Variants in GADL1 observed in about 807,000 individuals in gnomAD.
GADL1 encodes GAD like acidic amino acid decarboxylase 1.
In GADL1, 71 loss-of-function variants were observed where a neutral mutation model predicts 69.5. That is an observed-to-expected ratio of 1.02 (90% CI 0.84 to 1.25). The LOEUF (loss-of-function observed/expected upper bound fraction) is 1.25, where lower values mean the gene tolerates loss of function less well. Ranked by LOEUF, GADL1 falls within the 50% of genes most tolerant of loss-of-function variation. The pLI, the probability that GADL1 is intolerant of heterozygous loss-of-function variation, is 0.00. For synonymous variants in GADL1, 254 were observed against 214.4 expected, an observed-to-expected ratio of 1.18 and a Z score of -1.62; for missense variants, 737 against 631.8, an observed-to-expected ratio of 1.17 and a Z score of -1.79.
chr3:30,839,529 G>GAAAAAAAAAAAAAAA lies in GADL1; in HGVS notation c.787-417_787-416insTTTTTTTTTTTTTTT, dbSNP rs1491390714. Among the ~76,000 whole-genome samples the GAAAAAAAAAAAAAAA allele has an allele frequency of 8.4e-4, 112 of 133,638 alleles. 8 individuals carry two copies. The highest frequency in any genetic ancestry group is 4.0e-3 in the Middle Eastern group (1 of 252). The allele number at this position is 133,638 out of a possible 152,430, so 87.7% of individuals were successfully genotyped here. On this transcript the variant is annotated intron_variant, in intron 8 of 14. Coordinates refer to ENST00000282538, the MANE Select transcript of GADL1 (RefSeq NM_207359.3). Reference sequence around the variant, plus strand: ...GTCATCTTCTCAAAAAAAAAAAAAGGTTGGAAGACAGAGCTCCCGGAGTAA... The same window carrying GAAAAAAAAAAAAAAA: ...GTCATCTTCTCAAAAAAAAAAAAAGGAAAAAAAAAAAAAAATTGGAAGACAGAGCTCCCGGAGTAA...
rs1258439197 is a variant in GADL1, at chr3:30,844,216, T to C, written c.780A>G (p.Arg260=). ...TCGCTTTCTCCCCTCTCACCTCTTT[T>C]CTGGCTTGCCAGACTTGCTTCTCCA... The part of the protein sequence containing the change: ...EELEKQVWQA[R]KEGAAPFLVC... The change falls in exon 8 of 15, where the codon AGA becomes AGG. Residue 260 remains arginine (R), a synonymous_variant. Coordinates refer to ENST00000282538, the MANE Select transcript of GADL1 (RefSeq NM_207359.3). 6.2e-7 allele frequency: 1 copy of C among 1,612,586 alleles called. No homozygotes were observed. The highest frequency in any genetic ancestry group is 8.5e-7 in the Non-Finnish European group (1 of 1,179,326).
intron 11 of GADL1, among the ~76,000 whole-genome samples, chr3:30,812,845 A>G (rs1323983687): frequency 1.3e-5 from 2 of 152,088 alleles, no homozygotes; most frequent in East Asian, 3.9e-4. Context: ...GTAGCCTACA[A>G]TATGGTAGGA....
At chr3:30,772,036 T>TCACCCTAC (rs1222645144) in intron 14 of GADL1, among the ~76,000 whole-genome samples, 1 of 152,178 alleles carries the variant, frequency 6.6e-6, no homozygotes, top group Non-Finnish European at 1.5e-5. Context: ...CGGAAGCACA[T>TCACCCTAC]CACCCTACTC....
intron 1 of GADL1, among the ~76,000 whole-genome samples, chr3:30,886,591 C>G (rs1240068133): frequency 6.6e-6 from 1 of 152,122 alleles, no homozygotes; most frequent in African/African-American, 2.4e-5. Context: ...CTGACCTAAC[C>G]AGTGCTGTTG....
intron 13 of GADL1, among the ~76,000 whole-genome samples, chr3:30,780,400 CTA>C (rs1356804109): frequency 1.3e-5 from 2 of 152,180 alleles, no homozygotes; most frequent in Non-Finnish European, 2.9e-5. Context: ...CTTGGGCGCT[CTA>C]TCTCAGTGCC....
intron 13 of GADL1, 127 bp from the exon 14 acceptor site, chr3:30,778,395 C>A: frequency 1.6e-6 from 1 of 632,568 alleles, no homozygotes; most frequent in South Asian, 2.2e-5. Context: ...ACATCAGAAT[C>A]TTATAGAGTA....
At chr3:30,808,424 G>C (rs905430467) in intron 11 of GADL1, among the ~76,000 whole-genome samples, 4 of 151,928 alleles carry the variant, frequency 2.6e-5, no homozygotes, top group Admixed American at 2.6e-4. Flanking sequence ...CTTGAACCTG[G>C]GAGGCAGAGG....
chr3:30,802,465 ACTAGTG>A (rs1697183292), intron 11 of GADL1, among the ~76,000 whole-genome samples: 2 of 99,398 alleles, frequency 2.0e-5, no homozygotes, highest in African/African-American at 9.7e-5. Flanking sequence ...ATGCAAAACT[ACTAGTG>A]CTGTACAGGA....
chr3:30,878,422 C>G (rs1370319848), intron 1 of GADL1, among the ~76,000 whole-genome samples: 1 of 151,838 alleles, frequency 6.6e-6, no homozygotes, highest in Non-Finnish European at 1.5e-5. Flanking sequence ...GCCCATGAGG[C>G]CTACTTTAGG....
intron 14 of GADL1, among the ~76,000 whole-genome samples, chr3:30,752,968 C>T (rs545369379): frequency 9.9e-5 from 15 of 152,016 alleles, no homozygotes; most frequent in African/African-American, 3.6e-4. Flanking sequence ...TGGTTTTGAA[C>T]ACTTCATTGT....
At chr3:30,752,376 C>T (rs1057283995) in intron 14 of GADL1, among the ~76,000 whole-genome samples, 3 of 151,982 alleles carry the variant, frequency 2.0e-5, no homozygotes, top group East Asian at 1.9e-4. Flanking sequence ...TTAAGTGGTG[C>T]ACCTTGCATG....
intron 2 of GADL1, among the ~76,000 whole-genome samples, chr3:30,860,917 A>G (rs896534162): frequency 3.3e-5 from 5 of 151,984 alleles, no homozygotes; most frequent in Admixed American, 3.3e-4. Flanking sequence ...AAATGGGGGT[A>G]ATAGTATCTG....
At chr3:30,772,801 A>G (rs947312374) in intron 14 of GADL1, among the ~76,000 whole-genome samples, 4 of 152,142 alleles carry the variant, frequency 2.6e-5, no homozygotes, top group Non-Finnish European at 4.4e-5. Context: ...GGTTGAACCC[A>G]GGAGGTGGAG....
intron 1 of GADL1, among the ~76,000 whole-genome samples, chr3:30,890,749 G>A (rs745747716): frequency 2.6e-5 from 4 of 152,204 alleles, no homozygotes; most frequent in Non-Finnish European, 4.4e-5. Context: ...GCATTGTGGA[G>A]TTGAGTGAAC....
At chr3:30,759,896 T>C (rs1696080726) in intron 14 of GADL1, among the ~76,000 whole-genome samples, 1 of 152,170 alleles carries the variant, frequency 6.6e-6, no homozygotes, top group Non-Finnish European at 1.5e-5. Flanking sequence ...CTTATGCAGG[T>C]GGACTTGTGC....
At chr3:30,864,251 ATT>A (rs57172592) in intron 1 of GADL1, among the ~76,000 whole-genome samples, 12 of 148,036 alleles carry the variant, frequency 8.1e-5, no homozygotes, top group East Asian at 2.0e-4. Context: ...AAAAGTTAAG[ATT>A]TTTTTTTTTT....
intron 14 of GADL1, among the ~76,000 whole-genome samples, chr3:30,763,663 C>T (rs111509184): frequency 1.1e-4 from 17 of 152,242 alleles, no homozygotes; most frequent in African/African-American, 3.4e-4. Flanking sequence ...AATAGTGTTG[C>T]GTATCTCAGA....
At chr3:30,799,721 G>A (rs1000018580) in intron 12 of GADL1, 2 of 152,098 alleles carry the variant, frequency 1.3e-5, no homozygotes, top group Non-Finnish European at 2.9e-5. Context: ...CCTTTTAAAA[G>A]GGAATGCTTT....
At position 30,857,042 on chromosome 3, in the gene GADL1, C is replaced by A. The variant is rs775494857; in HGVS notation, c.310G>T (p.Asp104Tyr). The A allele has an allele frequency of 1.9e-6, 3 of 1,549,656 alleles. No homozygotes were observed. The highest frequency in any genetic ancestry group is 1.2e-5 in the South Asian group (1 of 83,968). ...PPHKLLELCR[D>Y]VIHYSVKTNH... is the part of the protein sequence containing the mutation. ...GTTTTGACACTGTAGTGTATGACAT[C>A]CCGACAGAGTTCCAATAGTTTATGG... Residue 104 changes from aspartate (D) to tyrosine (Y), a missense_variant, in exon 3 of 15, where the codon GAT (aspartate) becomes TAT (tyrosine). By Grantham distance (160) the Asp-to-Tyr change is radical (BLOSUM62 -3). Transcript: ENST00000282538.
Sources: gnomAD v4.1 joint callset for allele counts (sites outside exome capture counted in the v4.1 genomes callset) on GRCh38, gnomAD v4.1.1 for gene constraint, MANE v1.5 for transcripts, NCBI Gene and HGNC (gene_info 2026-07-23, HGNC 2026-07-21) for gene names.